The following PHACTR3 variants were observed in gnomAD, a reference collection of about 807,000 sequenced individuals.
The protein encoded by PHACTR3 is phosphatase and actin regulator 3, also known as protein phosphatase 1, regulatory subunit 123.
PHACTR3 carries 16 observed loss-of-function variants against 66.8 expected under a neutral mutation model. The observed-to-expected ratio is 0.24, with a 90% CI of 0.16 to 0.36. The LOEUF is 0.36. Ranked by LOEUF, PHACTR3 falls within the 10% of genes least tolerant of loss-of-function variation. The probability of loss-of-function intolerance (pLI) is 1.00; values close to 1 mark genes in which losing one functional copy is unlikely to be tolerated. For missense variants in PHACTR3, 647 were observed against 719.9 expected, an observed-to-expected ratio of 0.90 and a Z score of 1.16; for synonymous variants, 323 against 292.1, an observed-to-expected ratio of 1.11 and a Z score of -1.08.
At chr20:59,712,966 C>T (rs1444409721) in intron 1 of PHACTR3, among the ~76,000 whole-genome samples, 2 of 152,220 alleles carry the variant, frequency 1.3e-5, no homozygotes, top group Admixed American at 6.5e-5. Context: ...TCTGGATTCT[C>T]TCATTTCTAT....
chr20:59,760,952 G>A (rs994668396), intron 4 of PHACTR3, among the ~76,000 whole-genome samples: 2 of 152,102 alleles, frequency 1.3e-5, no homozygotes, highest in African/African-American at 4.8e-5. Flanking sequence ...GAGAGGTTAA[G>A]TCACTTTCCC....
intron 7 of PHACTR3, among the ~76,000 whole-genome samples, chr20:59,802,087 A>G (rs749835183): frequency 5.9e-5 from 9 of 152,208 alleles, no homozygotes; most frequent in Non-Finnish European, 4.4e-5. Flanking sequence ...GTGCTTCGAC[A>G]GGAGAGCAGG....
intron 8 of PHACTR3, among the ~76,000 whole-genome samples, chr20:59,809,776 G>A (rs1380690759): frequency 6.6e-6 from 1 of 152,146 alleles, no homozygotes; most frequent in Non-Finnish European, 1.5e-5. Context: ...CTCAGTTCAG[G>A]CGCTGTAGTG....
chr20:59,601,086 A>G (rs2033467466), upstream of PHACTR3, among the ~76,000 whole-genome samples: 1 of 152,172 alleles, frequency 6.6e-6, no homozygotes, highest in Non-Finnish European at 1.5e-5. Flanking sequence ...AACATTAAGA[A>G]CATTTCTAGA....
At chr20:59,695,235 G>A (rs1352210305) in intron 1 of PHACTR3, among the ~76,000 whole-genome samples, 2 of 152,102 alleles carry the variant, frequency 1.3e-5, no homozygotes, top group African/African-American at 2.4e-5. Context: ...ATCTCATGTC[G>A]AATTGTAATC....
At chr20:59,759,685 AGCTGTTAGAT>A (rs1025621661) in intron 4 of PHACTR3, among the ~76,000 whole-genome samples, 4 of 152,234 alleles carry the variant, frequency 2.6e-5, no homozygotes, top group Non-Finnish European at 5.9e-5. Context: ...CAGGGGGACC[AGCTGTTAGAT>A]GCTGTGTGTC....
intron 1 of PHACTR3, among the ~76,000 whole-genome samples, chr20:59,721,969 G>T (rs576648500): frequency 1.2e-4 from 19 of 152,232 alleles, no homozygotes; most frequent in African/African-American, 4.6e-4. Context: ...GGTGACTCAC[G>T]CCTGTAATCC....
intron 1 of PHACTR3, among the ~76,000 whole-genome samples, chr20:59,623,072 C>T (rs752472924): frequency 2.7e-5 from 4 of 146,606 alleles, no homozygotes; most frequent in Admixed American, 7.0e-5. Flanking sequence ...CACTCCCCCA[C>T]CCCTTGGAAA....
chr20:59,817,855 T>G (rs1487669766), intron 8 of PHACTR3, among the ~76,000 whole-genome samples: 1 of 152,250 alleles, frequency 6.6e-6, no homozygotes, highest in East Asian at 1.9e-4. Flanking sequence ...GGACCAGATT[T>G]GGCCCGGGAC....
chr20:59,809,469 A>G (rs564836925), intron 8 of PHACTR3, among the ~76,000 whole-genome samples: 1 of 152,186 alleles, frequency 6.6e-6, no homozygotes, highest in African/African-American at 2.4e-5. Flanking sequence ...AGCGTTTATC[A>G]GCTTTTTGGT....
Position 59,670,605 on chromosome 20 carries a change from T to TTGGGGGG in PHACTR3, c.118+65473_118+65474insTGGGGGG, listed in dbSNP as rs34824435. Among the ~76,000 whole-genome samples, 25 of 47,160 alleles carry TTGGGGGG rather than the reference T, an allele frequency of 5.3e-4. 1 individual carries two copies. Among genetic ancestry groups the TTGGGGGG allele is most frequent in the East Asian group, 4.7e-3 (6 of 1,276 alleles). The allele number at this position is 47,160 out of a possible 152,430, so 30.9% of individuals were successfully genotyped here. On this transcript the variant is annotated intron_variant, in intron 1 of 12. Transcript: ENST00000371015. ...AATGAGGACAGGCATCTGCCGGGGG[T>TTGGGGGG]GGGGGGGGGGGGCAGGCACTTTTAC...
intron 4 of PHACTR3, among the ~76,000 whole-genome samples, chr20:59,764,720 C>T (rs1462918176): frequency 6.6e-6 from 1 of 152,160 alleles, no homozygotes; most frequent in Non-Finnish European, 1.5e-5. Context: ...GAGAGCGTAA[C>T]CCATTCACAA....
intron 1 of PHACTR3, among the ~76,000 whole-genome samples, chr20:59,734,831 C>T (rs1248442309): frequency 1.3e-5 from 2 of 152,146 alleles, no homozygotes; most frequent in Non-Finnish European, 2.9e-5. Flanking sequence ...TAAAATCCTA[C>T]TCAACCTCTA....
At chr20:59,756,201 C>A (rs1050185274) in intron 4 of PHACTR3, among the ~76,000 whole-genome samples, 5 of 152,182 alleles carry the variant, frequency 3.3e-5, no homozygotes, top group African/African-American at 1.2e-4. Context: ...CCTCCTCCTG[C>A]CCACCTGGCA....
At chr20:59,749,309 C>A (rs2039491081) in intron 3 of PHACTR3, among the ~76,000 whole-genome samples, 1 of 151,508 alleles carries the variant, frequency 6.6e-6, no homozygotes, top group African/African-American at 2.4e-5. Context: ...CTAAAAAAAA[C>A]ACTACTTTTG....
chr20:59,599,855 C>T (rs540323889), upstream of PHACTR3, among the ~76,000 whole-genome samples: 1 of 152,286 alleles, frequency 6.6e-6, no homozygotes, highest in East Asian at 1.9e-4. Flanking sequence ...GCTGCTACCA[C>T]TCACCAGGAT....
chr20:59,670,608 G>GA (rs1270788125), intron 1 of PHACTR3, among the ~76,000 whole-genome samples: 16 of 138,322 alleles, frequency 1.2e-4, no homozygotes, highest in African/African-American at 4.1e-4. Flanking sequence ...CCGGGGGTGG[G>GA]GGGGGGGGGC....
Position 59,605,146 on chromosome 20 carries a change from C to CG in PHACTR3, c.118+19dup. 2 of 254,418 alleles carry CG rather than the reference C, an allele frequency of 7.9e-6. No individual in the cohort carries two copies. Among genetic ancestry groups the CG allele is most frequent in the Non-Finnish European group, 7.1e-6 (1 of 139,918 alleles). 15.8% of individuals were successfully genotyped at this position (254,418 alleles called of 1,614,324 possible). On this transcript the variant is annotated intron_variant, in intron 1 of 12. Transcript: ENST00000371015. Reference sequence around the variant, plus strand: ...GGGAGAACCCAGGTAACGGGCTGGGCGGGGGCGGCGGGCGGGTCGGGGAGG... The same window carrying CG: ...GGGAGAACCCAGGTAACGGGCTGGGCGGGGGGCGGCGGGCGGGTCGGGGAGG...
chr20:59,769,975 T>C (rs1309296267), intron 5 of PHACTR3, among the ~76,000 whole-genome samples: 1 of 152,208 alleles, frequency 6.6e-6, no homozygotes, highest in Non-Finnish European at 1.5e-5. Flanking sequence ...TAAAGTCCAT[T>C]CAATTAGCCA....
Sources: gnomAD v4.1 joint callset for allele counts (sites outside exome capture counted in the v4.1 genomes callset) on GRCh38, gnomAD v4.1.1 for gene constraint, MANE v1.5 for transcripts, NCBI Gene and HGNC (gene_info 2026-07-23, HGNC 2026-07-21) for gene names.